Variants in SLC4A7 observed in about 807,000 individuals in gnomAD.
SLC4A7 encodes solute carrier family 4 member 7.
SLC4A7 carries 51 observed loss-of-function variants against 137.6 expected under a neutral mutation model. That is an observed-to-expected ratio of 0.37 (90% CI 0.30 to 0.47). The LOEUF (loss-of-function observed/expected upper bound fraction) is 0.47, where lower values mean the gene tolerates loss of function less well. Ranked by LOEUF, SLC4A7 falls within the 20% of genes least tolerant of loss-of-function variation. The pLI, the probability that SLC4A7 is intolerant of heterozygous loss-of-function variation, is 1.00. For synonymous variants in SLC4A7, 542 were observed against 518.6 expected, an observed-to-expected ratio of 1.05 and a Z score of -0.61; for missense variants, 1,247 against 1,525.4, an observed-to-expected ratio of 0.82 and a Z score of 3.04.
rs898490744 is a variant in SLC4A7 at position 27,403,438 on chromosome 3, AC to A, written c.2076-55del. 7.0e-5 allele frequency: 94 copies of A among 1,336,668 alleles called. No homozygotes were observed. The Middle Eastern group carries it at 7.7e-4, about 11-fold the overall frequency. The allele number at this position is 1,336,668 out of a possible 1,614,324, so 82.8% of individuals were successfully genotyped here. A position where few individuals can be genotyped will look rare whatever the true frequency, so the allele number is the denominator to read the frequency against. Reference sequence around the variant, plus strand: ...TAAACATATGTGGAATAGTATTTGTACCTAAAATTTTTCATTGCAAGCAATG... The same window carrying A: ...TAAACATATGTGGAATAGTATTTGTACTAAAATTTTTCATTGCAAGCAATG... On this transcript the variant is annotated intron_variant, in intron 14 of 25. Coordinates refer to ENST00000454389, the MANE Select transcript of SLC4A7 (RefSeq NM_001321103.2).
Position 27,484,220 on chromosome 3 carries a change from G to A in SLC4A7, c.-94C>T, listed in dbSNP as rs531477227. 2.8e-4 allele frequency: 295 copies of A among 1,069,818 alleles called. 1 individual carries two copies. The African/African-American group carries it at 4.5e-3, about 16-fold the overall frequency. The allele number at this position is 1,069,818 out of a possible 1,614,324, so 66.3% of individuals were successfully genotyped here. ...CCCCTGCCGCCGCCGCCGAGCCCCCGGCGCGCGAGGACAAACGTGGGTGCG... is the reference window on the plus strand; with the variant it reads ...CCCCTGCCGCCGCCGCCGAGCCCCCAGCGCGCGAGGACAAACGTGGGTGCG... On this transcript the variant is annotated 5_prime_UTR_variant, in exon 1 of 26. Coordinates refer to ENST00000454389, the MANE Select transcript of SLC4A7 (RefSeq NM_001321103.2).
chr3:27,424,063 C>G lies in SLC4A7; in HGVS notation c.1240G>C (p.Glu414Gln). The change falls in exon 8 of 26, where the codon GAA becomes CAA. Residue 414 changes from glutamate (E) to glutamine (Q), a missense_variant. Physicochemically the swap from Glu to Gln is conservative, Grantham distance 29. Coordinates refer to ENST00000454389, the MANE Select transcript of SLC4A7 (RefSeq NM_001321103.2). The stretch of plus-strand genomic sequence containing the variant: ...TTGCTGAAGTCAACAGTACTATTTT[C>G]TCTGCTTCCACCACTTCCATTACCT... ...IKGNGSGGSR[E>Q]NSTVDFSKVD... 1.2e-6 allele frequency: 2 copies of G among 1,603,050 alleles called. No homozygotes were observed. Among genetic ancestry groups the G allele is most frequent in the Non-Finnish European group, 1.7e-6 (2 of 1,170,602 alleles).
intron 11 of SLC4A7, among the ~76,000 whole-genome samples, chr3:27,415,969 T>C (rs73046202): frequency 0.041 from 6,202 of 152,316 alleles, 228 homozygotes; most frequent in Non-Finnish European, 0.055. Context: ...TGACAGGCAA[T>C]GGCAGACTTC....
chr3:27,384,145 G>T (rs2050707678), intron 23 of SLC4A7, among the ~76,000 whole-genome samples: 1 of 152,006 alleles, frequency 6.6e-6, no homozygotes, highest in Non-Finnish European at 1.5e-5. Flanking sequence ...CTATTTTGAG[G>T]TGTCAATTTG....
chr3:27,397,572 C>T, intron 18 of SLC4A7, 112 bp downstream of exon 18: 1 of 644,254 alleles, frequency 1.6e-6, no homozygotes, highest in Non-Finnish European at 2.8e-6. Context: ...AAGCATCAGC[C>T]CTTCAAAGAG....
intron 12 of SLC4A7, 31 bp from the exon 13 acceptor site, chr3:27,409,561 G>A (rs2053704567): frequency 2.5e-6 from 4 of 1,569,176 alleles, no homozygotes; most frequent in Non-Finnish European, 3.5e-6. Context: ...TCGTCAAACT[G>A]TACACTAGAG....
chr3:27,427,249 A>G (rs529790973), intron 7 of SLC4A7, among the ~76,000 whole-genome samples: 2 of 152,296 alleles, frequency 1.3e-5, no homozygotes, highest in South Asian at 4.1e-4. Context: ...TAAAATGTCA[A>G]TAGTGCCAAG....
intron 5 of SLC4A7, among the ~76,000 whole-genome samples, chr3:27,434,728 G>A (rs902240404): frequency 6.6e-5 from 10 of 152,048 alleles, no homozygotes; most frequent in Non-Finnish European, 1.5e-5. Flanking sequence ...ATACATTACT[G>A]AGGTGATTAA....
Position 27,409,425 on chromosome 3 carries a change from T to C in SLC4A7, c.1872A>G (p.Leu624=), listed in dbSNP as rs758172687. 7 of 1,613,862 alleles carry C rather than the reference T, an allele frequency of 4.3e-6. No individual in the cohort carries two copies. The Admixed American group carries it at 6.7e-5, about 15-fold the overall frequency. The stretch of plus-strand genomic sequence containing the variant: ...TTACAGGAGACATACAGGCACAGTA[T>C]AGGAAAAGAATCGAGGCCAGGCACT... The part of the protein sequence containing the change: ...SLQCLASILF[L]YCACMSPVIT... Residue 624 remains leucine (L), a synonymous_variant, in exon 13 of 26, where the codon CTA becomes CTG. Transcript: ENST00000454389.
At chr3:27,475,593 T>A (rs2059430305) in intron 1 of SLC4A7, among the ~76,000 whole-genome samples, 1 of 152,158 alleles carries the variant, frequency 6.6e-6, no homozygotes, top group Admixed American at 6.6e-5. Flanking sequence ...CTCAATAAGA[T>A]AAAATGAAAG....
chr3:27,430,808 G>T (rs1255140012), intron 7 of SLC4A7, among the ~76,000 whole-genome samples: 1 of 151,922 alleles, frequency 6.6e-6, no homozygotes, highest in East Asian at 1.9e-4. Context: ...CTCCAGCCTG[G>T]GCAACAGAGT....
intron 7 of SLC4A7, among the ~76,000 whole-genome samples, chr3:27,427,297 T>C (rs1470681860): frequency 7.1e-6 from 1 of 140,812 alleles, no homozygotes; most frequent in Non-Finnish European, 1.5e-5. Context: ...TATTTACAAG[T>C]ACTAAAAATA....
chr3:27,482,509 G>A (rs1224384815), intron 1 of SLC4A7, among the ~76,000 whole-genome samples: 3 of 152,100 alleles, frequency 2.0e-5, no homozygotes, highest in Non-Finnish European at 2.9e-5. Context: ...GGTGGCTCAC[G>A]CCTGTAATCC....
intron 1 of SLC4A7, among the ~76,000 whole-genome samples, chr3:27,477,888 T>C (rs930982759): frequency 4.6e-5 from 7 of 152,196 alleles, no homozygotes; most frequent in African/African-American, 1.7e-4. Flanking sequence ...TTGCTGGGAT[T>C]ACAGGCATGA....
intron 1 of SLC4A7, among the ~76,000 whole-genome samples, chr3:27,459,945 ATC>A (rs1431859166): frequency 6.7e-6 from 1 of 149,234 alleles, no homozygotes; most frequent in Non-Finnish European, 1.5e-5. Context: ...TTCATTTACA[ATC>A]TCTCTTCCAC....
intron 20 of SLC4A7, among the ~76,000 whole-genome samples, chr3:27,392,314 T>C (rs1036568323): frequency 6.6e-6 from 1 of 152,202 alleles, no homozygotes; most frequent in Non-Finnish European, 1.5e-5. Flanking sequence ...CCAAACTGTC[T>C]ACACAGTTCA....
chr3:27,451,071 C>T (rs1394313760), intron 2 of SLC4A7, among the ~76,000 whole-genome samples: 1 of 151,690 alleles, frequency 6.6e-6, no homozygotes, highest in Non-Finnish European at 1.5e-5. Flanking sequence ...TAACCATAAG[C>T]TTCTAGATAA....
chr3:27,438,718 T>C (rs938954085), intron 3 of SLC4A7, among the ~76,000 whole-genome samples: 1 of 148,802 alleles, frequency 6.7e-6, no homozygotes, highest in African/African-American at 2.5e-5. Flanking sequence ...TAAAATAAAA[T>C]AAAACAAAAT....
intron 1 of SLC4A7, among the ~76,000 whole-genome samples, chr3:27,460,241 C>T (rs75200113): frequency 1.8e-4 from 27 of 152,070 alleles, no homozygotes; most frequent in African/African-American, 6.3e-4. Context: ...TCCATGTTGG[C>T]TAGGCTGGTC....
Sources: allele counts gnomAD v4.1 joint callset (sites outside exome capture counted in the v4.1 genomes callset), GRCh38; gene constraint gnomAD v4.1.1; transcripts MANE v1.5; gene names NCBI Gene and HGNC (gene_info 2026-07-23, HGNC 2026-07-21).